NR2C1: variants seen among roughly 807,000 people sequenced by gnomAD.
NR2C1 encodes the protein TR2 nuclear hormone receptor.
Under a neutral mutation model 74.8 loss-of-function variants are expected in NR2C1, and 33 were observed. That is an observed-to-expected ratio of 0.44 (90% CI 0.33 to 0.59). NR2C1 has a LOEUF of 0.59. Ranked by LOEUF, NR2C1 falls within the 20% of genes least tolerant of loss-of-function variation. The pLI is 0.02. For missense variants in NR2C1, 568 were observed against 715.6 expected (o/e 0.79, Z 2.35); for synonymous variants, 225 against 240.6 (o/e 0.94, Z 0.60).
intron 9 of NR2C1, among the ~76,000 whole-genome samples, chr12:95,045,960 C>T (rs1872259544): frequency 6.6e-6 from 1 of 152,086 alleles, no homozygotes; most frequent in Non-Finnish European, 1.5e-5. Context: ...CTGCCTCAGC[C>T]TCCTGAGTAG....
intron 1 of NR2C1, among the ~76,000 whole-genome samples, chr12:95,069,947 T>A (rs1237539250): frequency 6.6e-6 from 1 of 152,100 alleles, no homozygotes; most frequent in African/African-American, 2.4e-5. Context: ...TGGGATAGGA[T>A]AATAAAGATG....
At position 95,049,239 on chromosome 12, in the gene NR2C1, T is replaced by A; in HGVS notation, c.966-6A>T. On this transcript the variant is annotated splice_polypyrimidine_tract_variant and splice_region_variant and intron_variant, in intron 8 of 13. Transcript: ENST00000333003. Reference sequence around the variant, plus strand: ...TTGCAAGAGTGTCAAATGCCCTGTATGAAGACATCAGAAGCTATGAGCTTG... The same window carrying A: ...TTGCAAGAGTGTCAAATGCCCTGTAAGAAGACATCAGAAGCTATGAGCTTG... 1.9e-6 allele frequency: 3 copies of A among 1,612,410 alleles called. No individual in the cohort carries two copies. The highest frequency in any genetic ancestry group is 1.1e-5 in the South Asian group (1 of 90,696).
At chr12:95,072,302 A>AAC (rs2136216783) in intron 1 of NR2C1, among the ~76,000 whole-genome samples, 1 of 151,102 alleles carries the variant, frequency 6.6e-6, no homozygotes, top group Non-Finnish European at 1.5e-5. Flanking sequence ...AAAAACAAAA[A>AAC]AACTAGCTGG....
chr12:95,060,070 A>ACAT (rs1334663848), intron 3 of NR2C1, 86 bp from the exon 4 acceptor site: 13 of 1,069,010 alleles, frequency 1.2e-5, no homozygotes, highest in Non-Finnish European at 1.6e-5. Flanking sequence ...AAATTAAAGA[A>ACAT]CATTCAGTTG....
chr12:95,062,179 A>G (rs1299749977), intron 3 of NR2C1, among the ~76,000 whole-genome samples: 1 of 152,222 alleles, frequency 6.6e-6, no homozygotes, highest in East Asian at 1.9e-4. Flanking sequence ...CCAATAGTCG[A>G]TCTTGAAAAC....
In NR2C1 at chr12:95,028,455, C is replaced by T; in HGVS notation, c.1463G>A (p.Ser488Asn). Residue 488 changes from serine to asparagine, a missense_variant, in exon 12 of 14, where the codon AGC becomes AAC. This residue lies in a region of NR2C1 where 117 missense variants were observed against 186.7 expected (regional missense o/e 0.63). Coordinates refer to ENST00000333003, the MANE Select transcript of NR2C1 (RefSeq NM_003297.4). Reference sequence around the variant, plus strand: ...TCCATCAATGCAGAGTTTAACCATGCTGTTACAAAACTCCTGTAGTTTGAA... The same window carrying T: ...TCCATCAATGCAGAGTTTAACCATGTTGTTACAAAACTCCTGTAGTTTGAA... ...HIFKLQEFCN[S>N]MVKLCIDGYE... 5 of 1,603,410 alleles carry T rather than the reference C, an allele frequency of 3.1e-6. No homozygotes were observed. Among genetic ancestry groups the T allele is most frequent in the Non-Finnish European group, 4.3e-6 (5 of 1,172,300 alleles).
intron 8 of NR2C1, 67 bp from the exon 9 acceptor site, chr12:95,049,300 G>C: frequency 2.7e-6 from 4 of 1,488,170 alleles, no homozygotes; most frequent in Non-Finnish European, 3.7e-6. Context: ...TTCTACATAG[G>C]ATTCTGGAAT....
intron 8 of NR2C1, 27 bp from the exon 9 acceptor site, chr12:95,049,260 G>C: frequency 6.3e-7 from 1 of 1,593,548 alleles, no homozygotes; most frequent in Non-Finnish European, 8.5e-7. Context: ...GAAGCTATGA[G>C]CTTGACCAAA....
chr12:95,035,872 A>C (rs925987600), intron 10 of NR2C1, among the ~76,000 whole-genome samples: 1 of 152,236 alleles, frequency 6.6e-6, no homozygotes, highest in East Asian at 1.9e-4. Context: ...GCTTAGATGC[A>C]TTTACATTCA....
intron 1 of NR2C1, among the ~76,000 whole-genome samples, chr12:95,068,610 C>A (rs569705334): frequency 6.6e-6 from 1 of 152,230 alleles, no homozygotes; most frequent in South Asian, 2.1e-4. Flanking sequence ...GCCTGGCCAA[C>A]ATGGTGAAAC....
At chr12:95,024,188 T>C (rs1466057867) in intron 13 of NR2C1, among the ~76,000 whole-genome samples, 1 of 152,222 alleles carries the variant, frequency 6.6e-6, no homozygotes, top group East Asian at 1.9e-4. Context: ...AATGTTATCT[T>C]ACTAGTTTGA....
chr12:95,043,928 T>C (rs1274550836), intron 9 of NR2C1, among the ~76,000 whole-genome samples: 1 of 152,022 alleles, frequency 6.6e-6, no homozygotes. Context: ...AAATGTTTCA[T>C]AATCTGTTCT....
At chr12:95,058,621 T>G in intron 4 of NR2C1, 132 bp from the exon 5 acceptor site, 1 of 711,296 alleles carries the variant, frequency 1.4e-6, no homozygotes, top group Non-Finnish European at 2.3e-6. Flanking sequence ...GAAAAACATT[T>G]TTAGAAGTTA....
chr12:95,062,571 T>C lies in NR2C1; in HGVS notation c.222A>G (p.Pro74=). 6.2e-7 allele frequency: 1 copy of C among 1,613,910 alleles called. No homozygotes were observed. Among genetic ancestry groups the C allele is most frequent in the South Asian group, 1.1e-5 (1 of 91,034 alleles). The change falls in exon 3 of 14, where the codon CCA becomes CCG. Residue 74 remains proline (P), a synonymous_variant. Transcript: ENST00000333003. The part of the protein sequence containing the change: ...STPGKVFLTT[P]DAAGVNQLFF... Reference sequence around the variant, plus strand: ...ATAACTGGTTGACACCTGCTGCATCTGGAGTTGTAAGGAAAACTTTTCCCG... The same window carrying C: ...ATAACTGGTTGACACCTGCTGCATCCGGAGTTGTAAGGAAAACTTTTCCCG...
intron 3 of NR2C1, among the ~76,000 whole-genome samples, chr12:95,061,469 A>G (rs534993971): frequency 6.6e-6 from 1 of 152,356 alleles, no homozygotes; most frequent in East Asian, 1.9e-4. Flanking sequence ...CTACTACTTA[A>G]AGAAAAATTA....
At chr12:95,072,442 T>C (rs779843483) in intron 1 of NR2C1, among the ~76,000 whole-genome samples, 4 of 94,272 alleles carry the variant, frequency 4.2e-5, no homozygotes, top group East Asian at 2.8e-4. Flanking sequence ...ACAGTGAGAC[T>C]CCCTCTCCCT....
intron 8 of NR2C1, chr12:95,049,615 T>C (rs2136150987): frequency 1.3e-5 from 2 of 155,024 alleles, no homozygotes; most frequent in South Asian, 4.0e-4. Context: ...CGAAATTCTT[T>C]TCAATTAATT....
chr12:95,032,554 A>C (rs568293484), intron 10 of NR2C1, among the ~76,000 whole-genome samples: 77 of 152,276 alleles, frequency 5.1e-4, no homozygotes, highest in African/African-American at 1.9e-3. Context: ...CAGCTACTTA[A>C]ACCTATTTAT....
intron 12 of NR2C1, among the ~76,000 whole-genome samples, chr12:95,027,447 T>C (rs976527381): frequency 6.6e-6 from 1 of 152,168 alleles, no homozygotes; most frequent in Non-Finnish European, 1.5e-5. Flanking sequence ...ATTTAAAGTA[T>C]ACAATTCAGG....
Sources: gnomAD v4.1 joint callset for allele counts (sites outside exome capture counted in the v4.1 genomes callset) on GRCh38, gnomAD v4.1.1 for gene constraint, gnomAD v4.1.1 regional missense constraint, MANE v1.5 for transcripts, NCBI Gene and HGNC (gene_info 2026-07-23, HGNC 2026-07-21) for gene names.